The following MTMR3 variants were observed in gnomAD, a reference collection of about 807,000 sequenced individuals.
MTMR3 encodes myotubularin related protein 3.
A neutral mutation model predicts 132.4 loss-of-function variants in MTMR3; 32 were observed. The observed-to-expected ratio is 0.24, with a 90% CI of 0.18 to 0.32. MTMR3 has a LOEUF of 0.32. Among genes scored for constraint, MTMR3 ranks in the 10% least tolerant of loss-of-function variants. The pLI, the probability that MTMR3 is intolerant of heterozygous loss-of-function variation, is 1.00. For synonymous variants in MTMR3, 556 were observed against 550.3 expected (o/e 1.01, Z -0.14); for missense variants, 1,216 against 1,489.6 (o/e 0.82, Z 3.02).
intron 14 of MTMR3, chr22:30,014,334 A>G (rs2067514721): frequency 6.6e-6 from 1 of 152,170 alleles, no homozygotes; most frequent in East Asian, 1.9e-4. Flanking sequence ...TTGATCCATC[A>G]TTACCATTTG....
intron 1 of MTMR3, among the ~76,000 whole-genome samples, chr22:29,921,898 G>T (rs1216785963): frequency 6.7e-6 from 1 of 150,352 alleles, no homozygotes; most frequent in Non-Finnish European, 1.5e-5. Flanking sequence ...GCCCAGGCTG[G>T]AGTGCGGTGG....
chr22:30,016,384 A>G (rs2067592520), intron 14 of MTMR3, 144 bp from the exon 15 acceptor site: 2 of 832,850 alleles, frequency 2.4e-6, no homozygotes, highest in African/African-American at 1.7e-5. Context: ...GGAGGAGGCT[A>G]CTGCATGGCT....
Position 30,030,622 on chromosome 22 carries a change from C to G in MTMR3, c.*4821C>G, listed in dbSNP as rs563603470. 9.0e-5 allele frequency: 7 copies of G among 77,986 alleles called. No homozygotes were observed. The highest frequency in any genetic ancestry group is 1.7e-4 in the Admixed American group (1 of 5,940). The allele number at this position is 77,986 out of a possible 1,614,324, so 4.8% of individuals were successfully genotyped here. A position where few individuals can be genotyped will look rare whatever the true frequency, so the allele number is the denominator to read the frequency against. ...CTCAGCCTCTTAGGAGAGAGGGGCT[C>G]TCAGCGAGGAGGGGGCGGGGGGGGG... On this transcript the variant is annotated 3_prime_UTR_variant, in exon 20 of 20. Coordinates refer to ENST00000401950, the MANE Select transcript of MTMR3 (RefSeq NM_021090.4).
chr22:30,004,950 G>T (rs1320836620), intron 9 of MTMR3: 2 of 152,260 alleles, frequency 1.3e-5, no homozygotes, highest in African/African-American at 4.8e-5. Context: ...TTGTCCTACT[G>T]TGATGAGAGA....
chr22:29,962,001 C>G (rs2066321756), intron 2 of MTMR3, among the ~76,000 whole-genome samples: 1 of 152,162 alleles, frequency 6.6e-6, no homozygotes, highest in African/African-American at 2.4e-5. Context: ...GTAGACTGTC[C>G]CATCTAGGTT....
chr22:29,919,249 A>G (rs1031376110), intron 1 of MTMR3, among the ~76,000 whole-genome samples: 7 of 152,072 alleles, frequency 4.6e-5, no homozygotes, highest in African/African-American at 9.7e-5. Flanking sequence ...TCATCTCTCA[A>G]TTCTTTAGCA....
chr22:29,958,835 A>G (rs180884843), intron 2 of MTMR3, among the ~76,000 whole-genome samples: 49 of 152,350 alleles, frequency 3.2e-4, no homozygotes, highest in African/African-American at 1.1e-3. Context: ...TGGGATACCA[A>G]TGCCTTCTCA....
intron 1 of MTMR3, among the ~76,000 whole-genome samples, chr22:29,945,707 A>C (rs1425009541): frequency 1.5e-5 from 2 of 131,436 alleles, no homozygotes; most frequent in Non-Finnish European, 3.1e-5. Context: ...TCCAGTCTTT[A>C]AAATGAAAAA....
intron 1 of MTMR3, among the ~76,000 whole-genome samples, chr22:29,937,542 G>C (rs188653715): frequency 1.4e-4 from 22 of 151,856 alleles, no homozygotes; most frequent in Non-Finnish European, 2.9e-4. Flanking sequence ...TCAGCCTCCC[G>C]AGTAGCGGGG....
intron 1 of MTMR3, among the ~76,000 whole-genome samples, chr22:29,955,688 T>G (rs868726952): frequency 2.6e-5 from 4 of 152,236 alleles, no homozygotes; most frequent in African/African-American, 7.2e-5. Context: ...AGACACTTCA[T>G]TGTTGCATAT....
chr22:30,022,437 T>C, intron 18 of MTMR3, 172 bp from the exon 19 acceptor site: 1 of 647,584 alleles, frequency 1.5e-6, no homozygotes, highest in Non-Finnish European at 2.8e-6. Flanking sequence ...TGGAGTCCCC[T>C]CCAGGGAAAC....
chr22:29,918,607 TG>T (rs888459648), intron 1 of MTMR3, among the ~76,000 whole-genome samples: 5 of 152,216 alleles, frequency 3.3e-5, no homozygotes, highest in Non-Finnish European at 5.9e-5. Context: ...TTACTCAGTT[TG>T]TAGACTATGA....
At chr22:29,891,832 G>GT in intron 1 of MTMR3, among the ~76,000 whole-genome samples, 1 of 151,912 alleles carries the variant, frequency 6.6e-6, no homozygotes, top group Middle Eastern at 3.2e-3. Flanking sequence ...TGCTGGTCCA[G>GT]TTTAGTTGGA....
intron 1 of MTMR3, among the ~76,000 whole-genome samples, chr22:29,904,436 A>G (rs547698185): frequency 6.6e-6 from 1 of 152,334 alleles, no homozygotes; most frequent in Admixed American, 6.5e-5. Flanking sequence ...GTCGTGAATA[A>G]GAGCTCAGGC....
intron 1 of MTMR3, among the ~76,000 whole-genome samples, chr22:29,929,294 CA>C (rs1048136729): frequency 6.6e-6 from 1 of 151,944 alleles, no homozygotes; most frequent in African/African-American, 2.4e-5. Context: ...AACAAACAAA[CA>C]GAAAACACTC....
chr22:30,008,453 G>A (rs2067324072), intron 11 of MTMR3: 1 of 169,230 alleles, frequency 5.9e-6, no homozygotes, highest in African/African-American at 2.4e-5. Flanking sequence ...GGTGAAAATT[G>A]AAGCAGTAAA....
At chr22:30,008,760 T>C in intron 11 of MTMR3, 1 of 370,260 alleles carries the variant, frequency 2.7e-6, no homozygotes, top group Non-Finnish European at 4.8e-6. Context: ...TTTTAAAAAA[T>C]AATAGCTTTT....
At chr22:29,918,849 T>A (rs917526304) in intron 1 of MTMR3, among the ~76,000 whole-genome samples, 3 of 152,216 alleles carry the variant, frequency 2.0e-5, no homozygotes, top group Non-Finnish European at 4.4e-5. Context: ...AAAATATTAT[T>A]TGCCTTTAAG....
chr22:30,020,349 C>G lies in MTMR3; in HGVS notation c.2690C>G (p.Ser897Cys), dbSNP rs2067713106. The G allele has an allele frequency of 1.2e-6, 2 of 1,614,110 alleles. No individual in the cohort carries two copies. Among genetic ancestry groups the G allele is most frequent in the Admixed American group, 1.7e-5 (1 of 60,014 alleles). ...TSLVERPQVG[S>C]VVHRTSLGST... Reference sequence around the variant, plus strand: ...CTGGTCGAGAGGCCCCAAGTGGGGTCTGTGGTGCATAGGACTTCCCTTGGC... The same window carrying G: ...CTGGTCGAGAGGCCCCAAGTGGGGTGTGTGGTGCATAGGACTTCCCTTGGC... The change falls in exon 17 of 20, where the codon TCT becomes TGT. Residue 897 changes from serine to cysteine, a missense_variant. Around this residue, in one of 7 missense-constraint regions of MTMR3, gnomAD observed 852 missense variants for 852.0 expected, o/e 1.00. Transcript: ENST00000401950.
Sources: gnomAD v4.1 joint callset for allele counts (sites outside exome capture counted in the v4.1 genomes callset) on GRCh38, gnomAD v4.1.1 for gene constraint, gnomAD v4.1.1 regional missense constraint, MANE v1.5 for transcripts, NCBI Gene and HGNC (gene_info 2026-07-23, HGNC 2026-07-21) for gene names.